Variants in DHDDS observed in about 807,000 individuals in gnomAD.
DHDDS encodes the protein dehydrodolichyl diphosphate synthase subunit.
A neutral mutation model predicts 46.2 loss-of-function variants in DHDDS; 16 were observed. The observed-to-expected ratio is 0.35, with a 90% CI of 0.23 to 0.53. The LOEUF (loss-of-function observed/expected upper bound fraction) is 0.53, where lower values mean the gene tolerates loss of function less well. Ranked by LOEUF, DHDDS falls within the 20% of genes least tolerant of loss-of-function variation. The pLI, the probability that DHDDS is intolerant of heterozygous loss-of-function variation, is 0.94. For missense variants in DHDDS, 340 were observed against 423.7 expected, an observed-to-expected ratio of 0.80 and a Z score of 1.73; for synonymous variants, 151 against 163.1, an observed-to-expected ratio of 0.93 and a Z score of 0.56.
At chr1:26,456,796 T>C (rs1367680894) in intron 6 of DHDDS, among the ~76,000 whole-genome samples, 1 of 152,254 alleles carries the variant, frequency 6.6e-6, no homozygotes, top group Non-Finnish European at 1.5e-5. Flanking sequence ...GTTAATAGTA[T>C]GATGTATCTT....
Position 26,469,405 on chromosome 1 carries a change from A to G in DHDDS, c.*274A>G, listed in dbSNP as rs963136115. ...TTTGGAGAGCAAAGGGCCACAACTC[A>G]TCAGCTGCCTGTCTCTTAGATGCAC... is the stretch of plus-strand genomic sequence containing the variant. On this transcript the variant is annotated 3_prime_UTR_variant, in exon 9 of 9. Coordinates refer to ENST00000236342, the MANE Select transcript of DHDDS (RefSeq NM_205861.3). The G allele has an allele frequency of 5.4e-6, 3 of 555,442 alleles. No homozygotes were observed. The highest frequency in any genetic ancestry group is 9.7e-6 in the Non-Finnish European group (3 of 309,348). 34.4% of individuals were successfully genotyped at this position (555,442 alleles called of 1,614,324 possible).
intron 3 of DHDDS, among the ~76,000 whole-genome samples, chr1:26,440,418 G>C (rs923482739): frequency 6.6e-6 from 1 of 152,176 alleles, no homozygotes; most frequent in African/African-American, 2.4e-5. Flanking sequence ...CTGGCTTTGT[G>C]ACCTGCAGCG....
chr1:26,457,451 C>T (rs771181923), intron 6 of DHDDS, among the ~76,000 whole-genome samples: 1 of 150,020 alleles, frequency 6.7e-6, no homozygotes, highest in Non-Finnish European at 1.5e-5. Context: ...GCCTGGGGAA[C>T]AGTGTGAGAC....
At chr1:26,466,938 C>A in intron 8 of DHDDS, 1 of 164,766 alleles carries the variant, frequency 6.1e-6, no homozygotes, top group East Asian at 1.6e-4. Flanking sequence ...TTCTCAAACC[C>A]CAGTGCTCCA....
In DHDDS at chr1:26,442,612, T is replaced by C. The variant is rs1337325771; in HGVS notation, c.181-119T>C. The C allele has an allele frequency of 2.5e-6, 3 of 1,215,082 alleles. No homozygotes were observed. The African/African-American group carries it at 4.5e-5, about 18-fold the overall frequency. 75.3% of individuals were successfully genotyped at this position (1,215,082 alleles called of 1,614,324 possible). A position where few individuals can be genotyped will look rare whatever the true frequency, so the allele number is the denominator to read the frequency against. On this transcript the variant is annotated intron_variant, in intron 3 of 8. Transcript: ENST00000236342. ...TGATGTTATCCTAGCTTCACCCAGC[T>C]TTGGGGAGGAGAAAAGTCTGTCTCC...
rs899500145 is a variant in DHDDS, at chr1:26,443,130, C to G, written c.323+257C>G. The G allele has an allele frequency of 3.0e-5, 15 of 498,702 alleles. No homozygotes were observed. The Admixed American group carries it at 3.9e-4, about 13-fold the overall frequency. The allele number at this position is 498,702 out of a possible 1,614,324, so 30.9% of individuals were successfully genotyped here. ...ATTTAAGAACAAGTACAGCCAGCCT[C>G]AAGCAAAACTGAAACCAGGAATTAA... On this transcript the variant is annotated intron_variant, in intron 4 of 8. Coordinates refer to ENST00000236342, the MANE Select transcript of DHDDS (RefSeq NM_205861.3).
chr1:26,467,504 C>T (rs2075504513), intron 8 of DHDDS: 2 of 356,678 alleles, frequency 5.6e-6, no homozygotes, highest in Non-Finnish European at 1.2e-5. Context: ...ATGCAGTAAA[C>T]CTTTATTGCT....
At position 26,469,483 on chromosome 1, in the gene DHDDS, C is replaced by T. The variant is rs1358282195; in HGVS notation, c.*352C>T. On this transcript the variant is annotated 3_prime_UTR_variant, in exon 9 of 9. Transcript: ENST00000236342. ...ACACACAGAATTTCAGGGAAGAGTT[C>T]TCCCCAAAACCCTAGCTCTTTACCC... is the stretch of plus-strand genomic sequence containing the variant. 5.0e-6 allele frequency: 2 copies of T among 397,860 alleles called. No homozygotes were observed. Among genetic ancestry groups the T allele is most frequent in the East Asian group, 5.6e-5 (1 of 17,876 alleles). 24.6% of individuals were successfully genotyped at this position (397,860 alleles called of 1,614,324 possible). A position where few individuals can be genotyped will look rare whatever the true frequency, so the allele number is the denominator to read the frequency against.
In DHDDS at chr1:26,470,615, A is replaced by G. The variant is rs907949480; in HGVS notation, c.*1484A>G. On this transcript the variant is annotated 3_prime_UTR_variant, in exon 9 of 9. Transcript: ENST00000236342. The stretch of plus-strand genomic sequence containing the variant: ...CCTGGCGGCAAGAGACTTCTTGGCT[A>G]TTGTCCATGCTCCCAGAATCAAGCA... 3.3e-5 allele frequency: 5 copies of G among 152,556 alleles called. 1 individual carries two copies. Among genetic ancestry groups the G allele is most frequent in the Admixed American group, 3.3e-4 (5 of 15,274 alleles). 9.5% of individuals were successfully genotyped at this position (152,556 alleles called of 1,614,324 possible).
chr1:26,442,294 CT>C (rs1370465156), intron 3 of DHDDS, among the ~76,000 whole-genome samples: 1 of 152,162 alleles, frequency 6.6e-6, no homozygotes, highest in Non-Finnish European at 1.5e-5. Flanking sequence ...TGAAGTTATG[CT>C]GTGAGTAATA....
At chr1:26,440,853 C>T (rs190408054) in intron 3 of DHDDS, among the ~76,000 whole-genome samples, 131 of 152,124 alleles carry the variant, frequency 8.6e-4, no homozygotes, top group African/African-American at 3.1e-3. Context: ...TCAACATTGT[C>T]CTCCACCTCT....
chr1:26,438,385 TG>T (rs1473935690), intron 3 of DHDDS, 101 bp downstream of exon 3: 12 of 1,043,592 alleles, frequency 1.1e-5, no homozygotes, highest in Non-Finnish European at 1.8e-5. Context: ...GAGTGTTTTT[TG>T]TATCTGTCTC....
rs11351917 is a variant in DHDDS, at chr1:26,457,565, T to TA, written c.543-208dup. Among the ~76,000 whole-genome samples, 348 of 136,586 alleles carry TA rather than the reference T, an allele frequency of 2.5e-3. 1 individual carries two copies. The highest frequency in any genetic ancestry group is 7.6e-3 in the Middle Eastern group (2 of 264). 89.6% of individuals were successfully genotyped at this position (136,586 alleles called of 152,430 possible). ...GAAAAGAATTTTACATTGTATTCTC[T>TA]AAAAAAAAAAAAAAAAAAGAAATAC... On this transcript the variant is annotated intron_variant, in intron 6 of 8. Coordinates refer to ENST00000236342, the MANE Select transcript of DHDDS (RefSeq NM_205861.3).
intron 2 of DHDDS, among the ~76,000 whole-genome samples, chr1:26,433,675 C>CA (rs576315586): frequency 0.016 from 1,540 of 94,586 alleles, 16 homozygotes; most frequent in Middle Eastern, 0.037. Flanking sequence ...GACTCTGTCT[C>CA]AAAAAAAAAA....
chr1:26,449,112 T>G (rs2075295802), intron 6 of DHDDS, among the ~76,000 whole-genome samples: 1 of 152,042 alleles, frequency 6.6e-6, no homozygotes. Flanking sequence ...TTTTATTTAT[T>G]TTTTTGAGAT....
At chr1:26,433,494 A>T (rs554336219) in intron 2 of DHDDS, among the ~76,000 whole-genome samples, 11 of 152,030 alleles carry the variant, frequency 7.2e-5, no homozygotes, top group Admixed American at 3.9e-4. Context: ...CCAAAAAATT[A>T]AAAAAATAGC....
intron 2 of DHDDS, 128 bp downstream of exon 2, chr1:26,433,136 A>G (rs2075120291): frequency 1.0e-6 from 1 of 993,740 alleles, no homozygotes; most frequent in Non-Finnish European, 1.6e-6. Context: ...CAAGGAAACC[A>G]AAGAGTCTTA....
chr1:26,449,470 G>A (rs986289254), intron 6 of DHDDS, among the ~76,000 whole-genome samples: 2 of 151,370 alleles, frequency 1.3e-5, no homozygotes, highest in Non-Finnish European at 2.9e-5. Flanking sequence ...GTGTGATCTC[G>A]GCCCACTGTA....
chr1:26,464,917 G>A (rs756983980), intron 8 of DHDDS, among the ~76,000 whole-genome samples: 7 of 152,218 alleles, frequency 4.6e-5, no homozygotes, highest in Non-Finnish European at 8.8e-5. Context: ...AAGGGAAGCA[G>A]GGACTTGGCT....
Sources: allele counts gnomAD v4.1 joint callset (sites outside exome capture counted in the v4.1 genomes callset), GRCh38; gene constraint gnomAD v4.1.1; transcripts MANE v1.5; gene names NCBI Gene and HGNC (gene_info 2026-07-23, HGNC 2026-07-21).